Variants in PKHD1L1 observed in about 807,000 individuals in gnomAD.
PKHD1L1 encodes the protein fibrocystin-L.
PKHD1L1 carries 434 observed loss-of-function variants against 462.9 expected under a neutral mutation model. The observed-to-expected ratio is 0.94, with a 90% confidence interval of 0.87 to 1.02. The LOEUF is 1.02. Ranked by LOEUF, PKHD1L1 falls within the 50% of genes least tolerant of loss-of-function variation. PKHD1L1 has a pLI of 0.00. For synonymous variants in PKHD1L1, 1,781 were observed against 1,750.0 expected (o/e 1.02, Z -0.44); for missense variants, 5,202 against 5,096.1 (o/e 1.02, Z -0.63).
intron 6 of PKHD1L1, among the ~76,000 whole-genome samples, chr8:109,386,960 A>T (rs1398348749): frequency 6.6e-6 from 1 of 152,164 alleles, no homozygotes; most frequent in South Asian, 2.1e-4. Context: ...TAATCCTTGT[A>T]CTTTGGAAAT....
chr8:109,378,157 A>T (rs958329204), intron 2 of PKHD1L1, among the ~76,000 whole-genome samples: 2 of 152,196 alleles, frequency 1.3e-5, no homozygotes, highest in African/African-American at 4.8e-5. Context: ...AATGTTAGCA[A>T]TATTTGTTCT....
chr8:109,453,536 C>T (rs955088667), intron 43 of PKHD1L1, among the ~76,000 whole-genome samples: 28 of 152,090 alleles, frequency 1.8e-4, no homozygotes, highest in African/African-American at 4.6e-4. Context: ...GCTTAGCCAC[C>T]GGAAGACTCC....
intron 2 of PKHD1L1, among the ~76,000 whole-genome samples, chr8:109,377,156 G>A (rs372121986): frequency 5.2e-4 from 79 of 152,296 alleles, no homozygotes; most frequent in African/African-American, 1.9e-3. Flanking sequence ...TATTATTTAA[G>A]GTGAGCACAT....
intron 23 of PKHD1L1, among the ~76,000 whole-genome samples, chr8:109,420,977 A>C (rs2130646388): frequency 6.6e-6 from 1 of 152,252 alleles, no homozygotes; most frequent in South Asian, 2.1e-4. Context: ...CTTCCAATAA[A>C]CATCCTGAAA....
chr8:109,400,535 G>GA (rs1364643613), intron 13 of PKHD1L1, among the ~76,000 whole-genome samples, 191 bp downstream of exon 13: 1 of 151,922 alleles, frequency 6.6e-6, no homozygotes. Flanking sequence ...TAGCCTACAA[G>GA]AAAATTTCCC....
chr8:109,435,203 G>C lies in PKHD1L1; in HGVS notation c.3354G>C (p.Lys1118Asn), dbSNP rs976804604. The change falls in exon 29 of 78, where the codon AAG becomes AAC. Residue 1118 changes from lysine (K) to asparagine (N), a missense_variant. Physicochemically the swap from Lys to Asn is moderately conservative, Grantham distance 94 (BLOSUM62 0). Coordinates refer to ENST00000378402, the MANE Select transcript of PKHD1L1 (RefSeq NM_177531.6). Reference protein sequence around the residue: ...SLLSVDEKELKCQILNGSAGH... With the variant: ...SLLSVDEKELNCQILNGSAGH... The stretch of plus-strand genomic sequence containing the variant: ...TTTTTTCACAAGAAAAAGAGCTCAA[G>C]TGCCAGATTCTGAATGGAAGTGCTG... The C allele has an allele frequency of 1.2e-6, 2 of 1,613,132 alleles. No homozygotes were observed. The highest frequency in any genetic ancestry group is 1.7e-6 in the Non-Finnish European group (2 of 1,179,588).
At chr8:109,376,538 A>G (rs1811844031) in intron 2 of PKHD1L1, among the ~76,000 whole-genome samples, 1 of 152,130 alleles carries the variant, frequency 6.6e-6, no homozygotes, top group Admixed American at 6.5e-5. Flanking sequence ...CCCCAGTGAG[A>G]TGAACCCGGT....
chr8:109,477,309 A>G lies in PKHD1L1; in HGVS notation c.9002A>G (p.Gln3001Arg). ...GTGAAAGACGTTGTTATTAATTTCC[A>G]AGCTTACTGTTGTATTCTCCAGGAT... ...PDVKDVVINF[Q>R]AYCCILQDCF... The change falls in exon 53 of 78, where the codon CAA (glutamine) becomes CGA (arginine). Residue 3001 changes from glutamine (Q) to arginine (R), a missense_variant. Physicochemically the swap from Gln to Arg is conservative, Grantham distance 43. Transcript: ENST00000378402. 1 of 1,613,570 alleles carries G rather than the reference A, an allele frequency of 6.2e-7. No individual in the cohort carries two copies. The highest frequency in any genetic ancestry group is 8.5e-7 in the Non-Finnish European group (1 of 1,179,664).
chr8:109,498,736 G>A lies in PKHD1L1; in HGVS notation c.10793G>A (p.Ser3598Asn), dbSNP rs916037879. 1.9e-6 allele frequency: 3 copies of A among 1,613,856 alleles called. No individual in the cohort carries two copies. Among genetic ancestry groups the A allele is most frequent in the Non-Finnish European group, 2.5e-6 (3 of 1,179,828 alleles). ...APRKPHAGIMSYNAISGLLDI... is the reference protein window; with the variant it reads ...APRKPHAGIMNYNAISGLLDI... ...CGAAAGCCCCATGCAGGAATCATGA[G>A]TTACAATGCCATCAGTGGCCTTTTG... Residue 3598 changes from serine to asparagine, a missense_variant, in exon 67 of 78, where the codon AGT becomes AAT. By Grantham distance (46) the Ser-to-Asn change is conservative. This residue lies in a region of PKHD1L1 where 4,497 missense variants were observed against 4,336.8 expected (regional missense o/e 1.04). Coordinates refer to ENST00000378402, the MANE Select transcript of PKHD1L1 (RefSeq NM_177531.6).
chr8:109,528,408 A>G (rs1024252639), intron 77 of PKHD1L1, among the ~76,000 whole-genome samples: 12 of 152,182 alleles, frequency 7.9e-5, no homozygotes, highest in Admixed American at 6.5e-4. Flanking sequence ...ATCCTCAACT[A>G]TTCCTCACTA....
At chr8:109,370,057 G>A (rs1160876933) in intron 2 of PKHD1L1, among the ~76,000 whole-genome samples, 4 of 152,178 alleles carry the variant, frequency 2.6e-5, no homozygotes, top group Non-Finnish European at 4.4e-5. Flanking sequence ...ATAAGGGCTG[G>A]AGGAAGGCTA....
rs777507882 is a variant in PKHD1L1 at position 109,405,131 on chromosome 8, G to A, written c.1669+1G>A. On this transcript the variant is annotated splice_donor_variant, in intron 16 of 77. Coordinates refer to ENST00000378402, the MANE Select transcript of PKHD1L1 (RefSeq NM_177531.6). LOFTEE classifies it high-confidence loss of function. ...TTAATCTATAATATGGAAAAAACTGGTAAGTTATAAATAATAAGGGAGATA... is the reference window on the plus strand; with the variant it reads ...TTAATCTATAATATGGAAAAAACTGATAAGTTATAAATAATAAGGGAGATA... The A allele has an allele frequency of 3.5e-6, 5 of 1,438,254 alleles. No individual in the cohort carries two copies. The highest frequency in any genetic ancestry group is 3.8e-6 in the Non-Finnish European group (4 of 1,049,960). The allele number at this position is 1,438,254 out of a possible 1,614,324, so 89.1% of individuals were successfully genotyped here. A position where few individuals can be genotyped will look rare whatever the true frequency, so the allele number is the denominator to read the frequency against.
At chr8:109,400,054 T>C in intron 12 of PKHD1L1, 22 bp from the exon 13 acceptor site, 1 of 1,583,332 alleles carries the variant, frequency 6.3e-7, no homozygotes, top group Non-Finnish European at 8.6e-7. Flanking sequence ...ATGAAAGTCT[T>C]ATTTTATTTC....
In PKHD1L1 at chr8:109,459,740, G is replaced by C. The variant is rs746907986; in HGVS notation, c.7150G>C (p.Glu2384Gln). The part of the protein sequence containing the change: ...PDGTLFEARA[E>Q]VGILTRNILI... ...TGGAACTCTGTTTGAAGCAAGAGCA[G>C]AAGTTGGAATTCTTACAAGAAATAT... The change falls in exon 47 of 78, where the codon GAA (glutamate) becomes CAA (glutamine). Residue 2384 changes from glutamate (E) to glutamine (Q), a missense_variant. Physicochemically the swap from Glu to Gln is conservative, Grantham distance 29. Coordinates refer to ENST00000378402, the MANE Select transcript of PKHD1L1 (RefSeq NM_177531.6). 187 of 1,612,024 alleles carry C rather than the reference G, an allele frequency of 1.2e-4. No homozygotes were observed. The highest frequency in any genetic ancestry group is 1.5e-4 in the Non-Finnish European group (179 of 1,178,942).
In PKHD1L1 at chr8:109,386,735, G is replaced by A. The variant is rs906768920; in HGVS notation, c.569+1105G>A. Among the ~76,000 whole-genome samples the A allele has an allele frequency of 3.9e-5, 6 of 152,234 alleles. No homozygotes were observed. The East Asian group carries it at 1.2e-3, about 29-fold the overall frequency. On this transcript the variant is annotated intron_variant, in intron 6 of 77. Coordinates refer to ENST00000378402, the MANE Select transcript of PKHD1L1 (RefSeq NM_177531.6). ...TCTGCTTCAACATAGTTGAGCATTA[G>A]GAATGGTTTATATTCTAATTCTTAG... is the stretch of plus-strand genomic sequence containing the variant.
chr8:109,422,544 G>T (rs1429960828), intron 23 of PKHD1L1, among the ~76,000 whole-genome samples: 2 of 152,072 alleles, frequency 1.3e-5, no homozygotes, highest in Non-Finnish European at 2.9e-5. Context: ...CATTCAAATT[G>T]TGTTGATCGA....
rs1821132152 is a variant in PKHD1L1 at position 109,535,809 on chromosome 8, G to T, written c.*5719G>T. 6.6e-6 allele frequency among the ~76,000 whole-genome samples: 1 copy of T among 152,166 alleles called. No homozygotes were observed. Among genetic ancestry groups the T allele is most frequent in the African/African-American group, 2.4e-5 (1 of 41,438 alleles). On this transcript the variant is annotated 3_prime_UTR_variant, in exon 78 of 78. Transcript: ENST00000378402. ...GATCATTTTGATATCCAGATGTGCT[G>T]AAATGATGGACACTGAGAAGAAAGA... is the stretch of plus-strand genomic sequence containing the variant.
At chr8:109,523,603 G>A (rs73700627) in intron 76 of PKHD1L1, among the ~76,000 whole-genome samples, 7,303 of 152,038 alleles carry the variant, frequency 0.048, 422 homozygotes, top group African/African-American at 0.13. Flanking sequence ...TAAGGAAATC[G>A]AATTATATCA....
chr8:109,481,142 T>C (rs1435067668), intron 55 of PKHD1L1, among the ~76,000 whole-genome samples: 2 of 151,942 alleles, frequency 1.3e-5, no homozygotes, highest in Non-Finnish European at 2.9e-5. Context: ...AGGATATTAC[T>C]TTCAAATACA....
Sources: gnomAD v4.1 joint callset for allele counts (sites outside exome capture counted in the v4.1 genomes callset) on GRCh38, gnomAD v4.1.1 for gene constraint, gnomAD v4.1.1 regional missense constraint, MANE v1.5 for transcripts, NCBI Gene and HGNC (gene_info 2026-07-23, HGNC 2026-07-21) for gene names.